Variants in SH3GL3 observed in about 807,000 individuals in gnomAD.
SH3GL3 encodes endophilin-A3.
In SH3GL3, 33 loss-of-function variants were observed where a neutral mutation model predicts 47.7. That is an observed-to-expected ratio of 0.69 (90% CI 0.52 to 0.92). The LOEUF (loss-of-function observed/expected upper bound fraction) is 0.92, where lower values mean the gene tolerates loss of function less well. SH3GL3 is among the 40% of genes least tolerant of loss of function. The pLI, the probability that SH3GL3 is intolerant of heterozygous loss-of-function variation, is 0.00. For missense variants in SH3GL3, 363 were observed against 417.8 expected (o/e 0.87, Z 1.14); for synonymous variants, 155 against 148.8 (o/e 1.04, Z -0.30).
At chr15:83,590,035 ACTTT>A (rs1397746881) in intron 8 of SH3GL3, among the ~76,000 whole-genome samples, 6 of 152,070 alleles carry the variant, frequency 3.9e-5, no homozygotes, top group African/African-American at 1.4e-4. Flanking sequence ...GTGAGGGTGA[ACTTT>A]CTTTTCTATA....
At chr15:83,560,557 T>C (rs1156363039) in intron 2 of SH3GL3, among the ~76,000 whole-genome samples, 1 of 152,224 alleles carries the variant, frequency 6.6e-6, no homozygotes, top group Non-Finnish European at 1.5e-5. Flanking sequence ...TAAAAGCATT[T>C]TTCCAGAGTT....
At position 83,465,266 on chromosome 15, in the gene SH3GL3, C is replaced by T. The variant is rs1376161532; in HGVS notation, c.45+17688C>T. ...CAGAGGTTGCAGTGAGCCAAGATTG[C>T]ACCACTGCACTCCAGCCTGGGTGAC... On this transcript the variant is annotated intron_variant, in intron 1 of 8. Transcript: ENST00000427482. 3.3e-5 allele frequency among the ~76,000 whole-genome samples: 5 copies of T among 151,670 alleles called. No individual in the cohort carries two copies. The South Asian group carries it at 1.0e-3, about 32-fold the overall frequency.
intron 1 of SH3GL3, among the ~76,000 whole-genome samples, chr15:83,547,995 C>G (rs1189922038): frequency 6.6e-6 from 1 of 151,666 alleles, no homozygotes; most frequent in Admixed American, 6.6e-5. Context: ...ACTCTAGTAG[C>G]TTGCTAGTTA....
At chr15:83,568,395 A>T (rs117606513) in intron 3 of SH3GL3, 134 bp from the exon 4 acceptor site, 1 of 628,500 alleles carries the variant, frequency 1.6e-6, no homozygotes, top group African/African-American at 1.8e-5. Flanking sequence ...GTTCACACAC[A>T]ATTGTTTCAG....
chr15:83,577,302 A>G (rs1390177277), intron 6 of SH3GL3, among the ~76,000 whole-genome samples: 1 of 152,174 alleles, frequency 6.6e-6, no homozygotes. Flanking sequence ...CACAGGTTGG[A>G]CAAACTTGCT....
intron 1 of SH3GL3, chr15:83,490,890 GACCTCCCA>G: frequency 6.2e-7 from 1 of 1,614,144 alleles, no homozygotes; most frequent in East Asian, 2.2e-5. Flanking sequence ...GCCTTACCTG[GACCTCCCA>G]ACAGGTAATA....
At chr15:83,516,828 A>G (rs544225108) in intron 1 of SH3GL3, among the ~76,000 whole-genome samples, 11 of 152,280 alleles carry the variant, frequency 7.2e-5, no homozygotes, top group African/African-American at 2.6e-4. Context: ...AAATACTGTG[A>G]ATTGAATTTT....
intron 1 of SH3GL3, among the ~76,000 whole-genome samples, chr15:83,490,361 T>C (rs1320161077): frequency 1.3e-5 from 2 of 150,988 alleles, no homozygotes; most frequent in Non-Finnish European, 2.9e-5. Flanking sequence ...CAGTCACTGG[T>C]GGGTAAATGC....
chr15:83,546,973 C>T (rs978880286), intron 1 of SH3GL3, among the ~76,000 whole-genome samples: 2 of 152,158 alleles, frequency 1.3e-5, no homozygotes, highest in Non-Finnish European at 2.9e-5. Context: ...AACTGTGAGC[C>T]GCATTGCCTG....
At chr15:83,629,577 TG>T in the SH3GL3 span, among the ~76,000 whole-genome samples, 1 of 152,190 alleles carries the variant, frequency 6.6e-6, no homozygotes, top group Non-Finnish European at 1.5e-5. Flanking sequence ...CCCAGCACTT[TG>T]GGAGTCCAAG....
At chr15:83,492,650 A>G (rs2041921997) in intron 1 of SH3GL3, among the ~76,000 whole-genome samples, 1 of 152,198 alleles carries the variant, frequency 6.6e-6, no homozygotes, top group South Asian at 2.1e-4. Context: ...TAGAGAGTTA[A>G]TGTCTCTGGA....
At chr15:83,491,447 G>A (rs905971842) in intron 1 of SH3GL3, among the ~76,000 whole-genome samples, 2 of 152,216 alleles carry the variant, frequency 1.3e-5, no homozygotes, top group Non-Finnish European at 2.9e-5. Context: ...TTACAGTGCA[G>A]TAAGGCAGAC....
chr15:83,589,811 T>C (rs1023032797), intron 8 of SH3GL3, among the ~76,000 whole-genome samples: 2 of 152,250 alleles, frequency 1.3e-5, no homozygotes, highest in Non-Finnish European at 2.9e-5. Flanking sequence ...AACAGCTTCA[T>C]AGTTTTCTAT....
chr15:83,625,032 G>A, the SH3GL3 span, among the ~76,000 whole-genome samples: 1 of 152,044 alleles, frequency 6.6e-6, no homozygotes, highest in African/African-American at 2.4e-5. Context: ...AGGCTGAGGC[G>A]GGTGGATTGT....
the SH3GL3 span, among the ~76,000 whole-genome samples, chr15:83,624,808 A>C: frequency 6.6e-6 from 1 of 152,108 alleles, no homozygotes; most frequent in African/African-American, 2.4e-5. Context: ...GGTGGTGTGC[A>C]AGCAACAGTT....
chr15:83,591,395 A>C (rs1216062990), intron 8 of SH3GL3, among the ~76,000 whole-genome samples: 2 of 151,772 alleles, frequency 1.3e-5, no homozygotes, highest in East Asian at 3.9e-4. Context: ...TGGATGTCCA[A>C]TTGCCCTTTC....
At chr15:83,505,155 G>C (rs956858219) in intron 1 of SH3GL3, among the ~76,000 whole-genome samples, 14 of 152,072 alleles carry the variant, frequency 9.2e-5, no homozygotes, top group Admixed American at 5.9e-4. Context: ...TCCTGGGTTT[G>C]AGACTATTAT....
chr15:83,632,800 G>C, the SH3GL3 span, among the ~76,000 whole-genome samples: 1 of 152,128 alleles, frequency 6.6e-6, no homozygotes. Context: ...GATTTGTGTG[G>C]GGACACAGAC....
chr15:83,521,332 C>T (rs907225910), intron 1 of SH3GL3, among the ~76,000 whole-genome samples: 2 of 152,140 alleles, frequency 1.3e-5, no homozygotes, highest in Admixed American at 1.3e-4. Flanking sequence ...TATACAGGGT[C>T]TGAAAGTTTG....
Sources: allele counts gnomAD v4.1 joint callset (sites outside exome capture counted in the v4.1 genomes callset), GRCh38; gene constraint gnomAD v4.1.1; transcripts MANE v1.5; gene names NCBI Gene and HGNC (gene_info 2026-07-23, HGNC 2026-07-21).